Variants in PEPD observed in about 807,000 individuals in gnomAD.
The protein encoded by PEPD is xaa-Pro dipeptidase.
PEPD carries 53 observed loss-of-function variants against 60.7 expected under a neutral mutation model. That is an observed-to-expected ratio of 0.87 (90% CI 0.70 to 1.10). The LOEUF is 1.10. Among genes scored for constraint, PEPD ranks in the 50% least tolerant of loss-of-function variants. The pLI, the probability that PEPD is intolerant of heterozygous loss-of-function variation, is 0.00. For missense variants in PEPD, 711 were observed against 711.9 expected (o/e 1.00, Z 0.01); for synonymous variants, 267 against 284.1 (o/e 0.94, Z 0.60).
intron 9 of PEPD, among the ~76,000 whole-genome samples, chr19:33,453,544 TA>T (rs1356143732): frequency 1.3e-5 from 2 of 152,240 alleles, no homozygotes; most frequent in African/African-American, 2.4e-5. Context: ...CAGCATTTTT[TA>T]GCAATAAAGT....
intron 6 of PEPD, among the ~76,000 whole-genome samples, chr19:33,485,385 TG>T (rs1970377750): frequency 6.6e-6 from 1 of 150,566 alleles, no homozygotes; most frequent in Non-Finnish European, 1.5e-5. Flanking sequence ...CCCAGCTACC[TG>T]GGAGGCTGAG....
At chr19:33,476,881 T>C (rs1970226512) in intron 7 of PEPD, among the ~76,000 whole-genome samples, 1 of 152,074 alleles carries the variant, frequency 6.6e-6, no homozygotes, top group Admixed American at 6.6e-5. Flanking sequence ...GCCAGGATGG[T>C]CTCGATCTCC....
rs575232221 is a variant in PEPD at position 33,481,125 on chromosome 19, A to G, written c.504-3035T>C. 2.6e-5 allele frequency among the ~76,000 whole-genome samples: 4 copies of G among 152,328 alleles called. No homozygotes were observed. In the South Asian group the frequency reaches 8.3e-4, roughly 32 times the overall value. On this transcript the variant is annotated intron_variant, in intron 6 of 14. Transcript: ENST00000244137. ...CAATGGATCACGTATCAAACCTTAC[A>G]AAGGAATGAAAAAGGGGGAAATTAC... is the stretch of plus-strand genomic sequence containing the variant.
chr19:33,453,352 C>A (rs1338868093), intron 9 of PEPD, among the ~76,000 whole-genome samples: 1 of 112,994 alleles, frequency 8.9e-6, no homozygotes, highest in African/African-American at 4.6e-5. Context: ...AAAAAAGCAA[C>A]AACAAGCACC....
intron 9 of PEPD, among the ~76,000 whole-genome samples, chr19:33,433,462 A>G (rs1248276733): frequency 6.6e-6 from 1 of 152,246 alleles, no homozygotes; most frequent in Non-Finnish European, 1.5e-5. Context: ...TAATAACCAT[A>G]TATTAATTTT....
intron 12 of PEPD, among the ~76,000 whole-genome samples, chr19:33,396,969 C>T (rs751446716): frequency 1.3e-5 from 2 of 152,158 alleles, no homozygotes; most frequent in Non-Finnish European, 2.9e-5. Flanking sequence ...AGCGCCTCCC[C>T]CCATTCCCCT....
At chr19:33,392,347 G>T (rs1349347562) in intron 12 of PEPD, among the ~76,000 whole-genome samples, 8 of 152,352 alleles carry the variant, frequency 5.3e-5, no homozygotes. Flanking sequence ...GCCCACGGGT[G>T]CGCCCGTCCC....
chr19:33,455,555 T>C (rs903834848), intron 9 of PEPD, among the ~76,000 whole-genome samples: 4 of 151,578 alleles, frequency 2.6e-5, no homozygotes, highest in Admixed American at 6.6e-5. Flanking sequence ...CAGATGGGAG[T>C]GCAGTGGTGT....
At chr19:33,507,098 C>A (rs1246572393) in intron 3 of PEPD, among the ~76,000 whole-genome samples, 1 of 152,148 alleles carries the variant, frequency 6.6e-6, no homozygotes, top group Non-Finnish European at 1.5e-5. Context: ...CCCACCATAC[C>A]CGCATCCATC....
At chr19:33,426,708 T>C (rs1263790347) in intron 9 of PEPD, among the ~76,000 whole-genome samples, 8 of 152,112 alleles carry the variant, frequency 5.3e-5, no homozygotes, top group Non-Finnish European at 1.0e-4. Flanking sequence ...GCTACCCCAT[T>C]AGGCTGGAGG....
At chr19:33,487,545 G>A (rs1205238067) in intron 6 of PEPD, among the ~76,000 whole-genome samples, 3 of 152,176 alleles carry the variant, frequency 2.0e-5, no homozygotes, top group South Asian at 4.1e-4. Flanking sequence ...TCAGAGACTC[G>A]GCCAGCAGCC....
intron 6 of PEPD, among the ~76,000 whole-genome samples, chr19:33,481,285 G>A (rs12608727): frequency 6.6e-6 from 1 of 152,146 alleles, no homozygotes; most frequent in Non-Finnish European, 1.5e-5. Context: ...AGAAAATCTA[G>A]GCTGGGCGCA....
At chr19:33,465,893 A>T (rs180820478) in intron 7 of PEPD, among the ~76,000 whole-genome samples, 5 of 152,290 alleles carry the variant, frequency 3.3e-5, no homozygotes, top group African/African-American at 1.2e-4. Flanking sequence ...GACATTCAAA[A>T]ACTCAGAAAT....
intron 9 of PEPD, among the ~76,000 whole-genome samples, chr19:33,458,526 GTA>G (rs1324585520): frequency 6.7e-6 from 1 of 148,504 alleles, no homozygotes; most frequent in African/African-American, 2.5e-5. Flanking sequence ...CGCATGATGT[GTA>G]TGTGTGGTGT....
chr19:33,418,306 CT>C (rs1968934205), intron 9 of PEPD, among the ~76,000 whole-genome samples: 1 of 152,174 alleles, frequency 6.6e-6, no homozygotes, highest in South Asian at 2.1e-4. Context: ...AGGGAAAATC[CT>C]TTTCAGAGTA....
In PEPD at chr19:33,388,039, T is replaced by C; in HGVS notation, c.1195A>G (p.Thr399Ala). ...IDEPGLRSLR[T>A]ARHLQPGMVL... is the part of the protein sequence containing the mutation. ...ATGCCTGGCTGCAGGTGCCGTGCAG[T>C]GCGCAGGCTCCGCAGGCCGGGCTCG... Residue 399 changes from threonine (T) to alanine (A), a missense_variant, in exon 14 of 15, where the codon ACT (threonine) becomes GCT (alanine). By Grantham distance (58) the Thr-to-Ala change is moderately conservative. Coordinates refer to ENST00000244137, the MANE Select transcript of PEPD (RefSeq NM_000285.4). 2 of 1,561,480 alleles carry C rather than the reference T, an allele frequency of 1.3e-6. No individual in the cohort carries two copies. The highest frequency in any genetic ancestry group is 1.7e-6 in the Non-Finnish European group (2 of 1,153,402).
Position 33,512,762 on chromosome 19 carries a change from A to G in PEPD, c.32T>C (p.Leu11Pro), listed in dbSNP as rs756315274. 1.2e-6 allele frequency: 2 copies of G among 1,613,950 alleles called. No homozygotes were observed. Among genetic ancestry groups the G allele is most frequent in the African/African-American group, 2.7e-5 (2 of 74,926 alleles). MAAATGPSFW[L>P]GNETLKVPLA... ...CGGCACCTTCAGGGTTTCATTCCCC[A>G]GCCAAAACGAGGGTCTGCAGAGGCA... The change falls in exon 2 of 15, where the codon CTG becomes CCG. Residue 11 changes from leucine to proline, a missense_variant. Physicochemically the swap from Leu to Pro is moderately conservative, Grantham distance 98. Transcript: ENST00000244137.
In PEPD at chr19:33,442,547, T is replaced by TA. The variant is rs909155956; in HGVS notation, c.671+20447dup. ...AAACCCATCTCTACTAAAAATAAAA[T>TA]AAAAAAAAAAAATTAGCCGGGCGTG... is the stretch of plus-strand genomic sequence containing the variant. On this transcript the variant is annotated intron_variant, in intron 9 of 14. Transcript: ENST00000244137. Among the ~76,000 whole-genome samples, 27 of 142,038 alleles carry TA rather than the reference T, an allele frequency of 1.9e-4. 1 individual carries two copies. The highest frequency in any genetic ancestry group is 3.7e-3 in the Middle Eastern group (1 of 270). The allele number at this position is 142,038 out of a possible 152,430, so 93.2% of individuals were successfully genotyped here.
At chr19:33,473,589 C>G (rs1240979615) in intron 7 of PEPD, among the ~76,000 whole-genome samples, 4 of 152,248 alleles carry the variant, frequency 2.6e-5, no homozygotes, top group Non-Finnish European at 4.4e-5. Context: ...GACACGCCTG[C>G]TCTCCCCTGA....
Sources: gnomAD v4.1 joint callset for allele counts (sites outside exome capture counted in the v4.1 genomes callset) on GRCh38, gnomAD v4.1.1 for gene constraint, MANE v1.5 for transcripts, NCBI Gene and HGNC (gene_info 2026-07-23, HGNC 2026-07-21) for gene names.